The following ZNF577 variants were observed in gnomAD, a reference collection of about 807,000 sequenced individuals.
ZNF577 encodes zinc finger protein 577.
In ZNF577, 14 loss-of-function variants were observed where a neutral mutation model predicts 13.9. The ratio of observed to expected loss-of-function variants is 1.00; its 90% CI spans 0.66 to 1.57. The LOEUF is 1.57. ZNF577 is among the 40% of genes most tolerant of loss of function. The pLI is 0.00. For synonymous variants in ZNF577, 203 were observed against 202.9 expected (o/e 1.00, Z 0.00); for missense variants, 555 against 579.2 (o/e 0.96, Z 0.43).
chr19:51,833,529 T>C (rs551381020), intron 9 of ZNF577, among the ~76,000 whole-genome samples: 9 of 152,346 alleles, frequency 5.9e-5, no homozygotes, highest in African/African-American at 2.2e-4. Flanking sequence ...AGACAAGAGA[T>C]GGCATGAGCC....
At chr19:51,879,366 G>A (rs1022979625) in intron 3 of ZNF577, among the ~76,000 whole-genome samples, 18 of 151,848 alleles carry the variant, frequency 1.2e-4, no homozygotes, top group Admixed American at 9.8e-4. Flanking sequence ...TCAGGAGTTC[G>A]AGACCAGCCT....
At chr19:51,844,897 T>G (rs1424970145) in exon 6 of ZNF577, 1 of 152,184 alleles carries the variant, frequency 6.6e-6, no homozygotes, top group Non-Finnish European at 1.5e-5. Flanking sequence ...ACTTTTTTCC[T>G]TTACAGGAGC....
rs73576171 is a variant in ZNF577, at chr19:51,880,190, C to T, written c.60+133G>A. On this transcript the variant is annotated intron_variant, in intron 3 of 5. Coordinates refer to ENST00000638348, the MANE Select transcript of ZNF577 (RefSeq NM_001370449.1). Reference sequence around the variant, plus strand: ...TGGCATTACTCCTTAGCTTACCCCACTAAACAACAGGAAAAAGCCATAGAA... The same window carrying T: ...TGGCATTACTCCTTAGCTTACCCCATTAAACAACAGGAAAAAGCCATAGAA... 4,586 of 974,724 alleles carry T rather than the reference C, an allele frequency of 4.7e-3. 139 individuals carry two copies. In the African/African-American group the frequency reaches 0.065, roughly 14 times the overall value. 60.4% of individuals were successfully genotyped at this position (974,724 alleles called of 1,614,324 possible).
At chr19:51,845,895 C>G (rs1185791181) in intron 5 of ZNF577, among the ~76,000 whole-genome samples, 2 of 152,200 alleles carry the variant, frequency 1.3e-5, no homozygotes, top group Non-Finnish European at 2.9e-5. Context: ...TTGATTACCT[C>G]TCTTGGCTAT....
intron 10 of ZNF577, among the ~76,000 whole-genome samples, chr19:51,805,837 A>G (rs28800315): frequency 0.41 from 61,562 of 151,942 alleles, 12,655 homozygotes; most frequent in South Asian, 0.52. Context: ...CGGGCACAAT[A>G]AGTAACCTGA....
In ZNF577 at chr19:51,824,003, C is replaced by T. The variant is rs780689685; in HGVS notation, c.*600-12329G>A. ...TCCTACCATTCCGAATGGTCTCAGTCGCCATGAGAGAAAAATGGCCTTTTG... is the reference window on the plus strand; with the variant it reads ...TCCTACCATTCCGAATGGTCTCAGTTGCCATGAGAGAAAAATGGCCTTTTG... On this transcript the variant is annotated intron_variant and NMD_transcript_variant, in intron 9 of 10. Transcript: ENST00000638827. The surrounding 1 kb of genome is among the most constrained non-coding windows in gnomAD (Gnocchi z 4.7). 14 of 1,613,940 alleles carry T rather than the reference C, an allele frequency of 8.7e-6. No homozygotes were observed. The African/African-American group carries it at 1.1e-4, about 12-fold the overall frequency.
At position 51,824,564 on chromosome 19, in the gene ZNF577, G is replaced by T. The variant is rs746862526; in HGVS notation, c.*600-12890C>A. ...TGGCAGTCTGGCTCAAAGAGATGTT[G>T]TTAAATGGCAAATACAAAATCATTC... On this transcript the variant is annotated intron_variant and NMD_transcript_variant, in intron 9 of 10. Coordinates refer to the ZNF577 transcript ENST00000638827. This position sits in a 1 kb window ranked among gnomAD's most constrained non-coding sequence, Gnocchi z 4.7. The T allele has an allele frequency of 6.2e-7, 1 of 1,614,164 alleles. No individual in the cohort carries two copies. Among genetic ancestry groups the T allele is most frequent in the East Asian group, 2.2e-5 (1 of 44,880 alleles).
chr19:51,819,889 G>A (rs540447587), intron 9 of ZNF577, among the ~76,000 whole-genome samples: 221 of 152,270 alleles, frequency 1.5e-3, no homozygotes, highest in Admixed American at 2.4e-3. Flanking sequence ...CAAATCTTGA[G>A]GGTTTCTTTT....
At chr19:51,818,474 G>A (rs1189865631) in intron 9 of ZNF577, among the ~76,000 whole-genome samples, 1 of 152,202 alleles carries the variant, frequency 6.6e-6, no homozygotes. Context: ...GTATATCAGT[G>A]CAGAAAGTAT....
chr19:51,836,469 T>G (rs758213181), intron 9 of ZNF577, among the ~76,000 whole-genome samples: 10 of 152,370 alleles, frequency 6.6e-5, no homozygotes, highest in Non-Finnish European at 1.3e-4. Flanking sequence ...TTGTGATGTT[T>G]GGCTTTTTTA....
At chr19:51,813,450 C>G (rs184064129) in intron 9 of ZNF577, among the ~76,000 whole-genome samples, 1 of 152,048 alleles carries the variant, frequency 6.6e-6, no homozygotes, top group East Asian at 1.9e-4. Context: ...AGGGAATGAT[C>G]TAAGGATGTC....
chr19:51,879,494 A>C (rs912372796), intron 3 of ZNF577, among the ~76,000 whole-genome samples: 1 of 149,746 alleles, frequency 6.7e-6, no homozygotes, highest in Non-Finnish European at 1.5e-5. Flanking sequence ...GCTTGAGCCC[A>C]GGAGGCAGAG....
At chr19:51,851,697 C>G (rs2084379483) in intron 5 of ZNF577, among the ~76,000 whole-genome samples, 1 of 152,104 alleles carries the variant, frequency 6.6e-6, no homozygotes, top group African/African-American at 2.4e-5. Flanking sequence ...AAAATACAGA[C>G]AGAAGCCCCA....
intron 5 of ZNF577, among the ~76,000 whole-genome samples, chr19:51,852,440 C>G (rs2084383594): frequency 6.6e-6 from 1 of 152,232 alleles, no homozygotes; most frequent in Admixed American, 6.5e-5. Flanking sequence ...AACCTCCAGA[C>G]AGCGAAAACC....
chr19:51,873,366 G>A lies in ZNF577; in HGVS notation c.624C>T (p.His208=), dbSNP rs2084697604. ...KIQLTEHQRT[H]TGEKPHECSE... ...TACATTCATGGGGCTTCTCTCCTGT[G>A]TGAGTTCTCTGATGCTCAGTGAGCT... The change falls in exon 6 of 6, where the codon CAC becomes CAT. Residue 208 remains histidine (H), a synonymous_variant. Coordinates refer to ENST00000638348, the MANE Select transcript of ZNF577 (RefSeq NM_001370449.1). 1 of 1,614,182 alleles carries A rather than the reference G, an allele frequency of 6.2e-7. No individual in the cohort carries two copies. The highest frequency in any genetic ancestry group is 8.5e-7 in the Non-Finnish European group (1 of 1,180,038).
intron 1 of ZNF577, among the ~76,000 whole-genome samples, chr19:51,881,402 T>C (rs867570462): frequency 1.3e-5 from 2 of 152,226 alleles, no homozygotes; most frequent in Non-Finnish European, 1.5e-5. Context: ...TTTTGGTTTA[T>C]TGCACTGTCT....
intron 9 of ZNF577, among the ~76,000 whole-genome samples, chr19:51,823,491 A>G (rs2084205856): frequency 6.6e-6 from 1 of 152,152 alleles, no homozygotes; most frequent in Non-Finnish European, 1.5e-5. Context: ...CCGCTGGTGG[A>G]CAGAGCCCTT....
chr19:51,817,885 A>G (rs1390229302), intron 9 of ZNF577: 1 of 152,192 alleles, frequency 6.6e-6, no homozygotes, highest in Non-Finnish European at 1.5e-5. Flanking sequence ...TGCCTGCTGT[A>G]TGACAGACAT....
chr19:51,817,552 T>C (rs1342501535), intron 9 of ZNF577: 1 of 151,944 alleles, frequency 6.6e-6, no homozygotes, highest in South Asian at 2.1e-4. Context: ...CTATTCCCAC[T>C]GTATGGAAAA....
Sources: allele counts gnomAD v4.1 joint callset (sites outside exome capture counted in the v4.1 genomes callset), GRCh38; gene constraint gnomAD v4.1.1; non-coding constraint Gnocchi (gnomAD v3.1); transcripts MANE v1.5; gene names NCBI Gene and HGNC (gene_info 2026-07-23, HGNC 2026-07-21).